The following OR3A2 variants were observed in gnomAD, a reference collection of about 807,000 sequenced individuals.
OR3A2 encodes olfactory receptor 3A2.
For synonymous variants in OR3A2, 126 were observed against 159.3 expected, an observed-to-expected ratio of 0.79 and a Z score of 1.57; for missense variants, 318 against 392.8, an observed-to-expected ratio of 0.81 and a Z score of 1.61.
At chr17:3,301,309 C>T (rs2048964086) in intron 3 of OR3A2, among the ~76,000 whole-genome samples, 1 of 152,178 alleles carries the variant, frequency 6.6e-6, no homozygotes, top group Admixed American at 6.5e-5. Context: ...GTCCCACCAA[C>T]AGTGTAAAAG....
intron 2 of OR3A2, among the ~76,000 whole-genome samples, chr17:3,360,051 T>C (rs1351561459): frequency 3.3e-5 from 5 of 151,840 alleles, no homozygotes; most frequent in Non-Finnish European, 7.3e-5. Context: ...TGTAAAAGTG[T>C]TCCTATTTCT....
chr17:3,340,934 T>C (rs1403063096), intron 2 of OR3A2, among the ~76,000 whole-genome samples: 2 of 151,778 alleles, frequency 1.3e-5, no homozygotes, highest in East Asian at 3.9e-4. Context: ...ACTTGCTTTA[T>C]GAATCTGGGT....
At chr17:3,308,180 G>A (rs1226350382) in intron 3 of OR3A2, among the ~76,000 whole-genome samples, 1 of 152,194 alleles carries the variant, frequency 6.6e-6, no homozygotes, top group African/African-American at 2.4e-5. Flanking sequence ...AAAGGCAGGT[G>A]TCTTTACCTG....
intron 3 of OR3A2, among the ~76,000 whole-genome samples, chr17:3,315,829 G>T (rs1237161157): frequency 6.7e-6 from 1 of 149,926 alleles, no homozygotes; most frequent in Non-Finnish European, 1.5e-5. Flanking sequence ...AGAGTGTCCC[G>T]TCATCCTCAC....
At chr17:3,317,950 G>A (rs1345526077) in intron 3 of OR3A2, among the ~76,000 whole-genome samples, 3 of 151,574 alleles carry the variant, frequency 2.0e-5, no homozygotes, top group Admixed American at 2.0e-4. Flanking sequence ...TCTCCACACT[G>A]GGAGACAGCA....
At chr17:3,331,181 C>A (rs1393985376) in intron 3 of OR3A2, among the ~76,000 whole-genome samples, 3 of 152,068 alleles carry the variant, frequency 2.0e-5, no homozygotes, top group Admixed American at 6.5e-5. Context: ...GTGAATCTGA[C>A]AATTATGTGT....
chr17:3,363,402 T>C (rs975990740), intron 2 of OR3A2, among the ~76,000 whole-genome samples: 10 of 151,794 alleles, frequency 6.6e-5, no homozygotes, highest in Admixed American at 6.6e-4. Flanking sequence ...TGCCAGTTTC[T>C]TCACTAAAGC....
chr17:3,375,907 G>C (rs767318125), intron 2 of OR3A2, among the ~76,000 whole-genome samples: 1 of 152,158 alleles, frequency 6.6e-6, no homozygotes, highest in Non-Finnish European at 1.5e-5. Context: ...CTGGGCTCTG[G>C]GCTGGTGCTG....
intron 2 of OR3A2, among the ~76,000 whole-genome samples, chr17:3,377,945 T>TATAACAAGGAGAAATGAAAAC (rs1263158162): frequency 6.6e-5 from 10 of 152,176 alleles, no homozygotes; most frequent in African/African-American, 2.4e-4. Context: ...TTCCTAGGTA[T>TATAACAAGGAGAAATGAAAAC]ATAACAAGGA....
rs80145557 is a variant in OR3A2, at chr17:3,357,930, C to T, written c.-178-21804G>A. The stretch of plus-strand genomic sequence containing the variant: ...ATAAAAGCATCAGAAACCTAATAGG[C>T]TAGTGAGGCCTTGCCTGGCAGAGAT... On this transcript the variant is annotated intron_variant, in intron 2 of 4. Transcript: ENST00000573491. 1.9e-3 allele frequency among the ~76,000 whole-genome samples: 281 copies of T among 151,670 alleles called. 12 individuals carry two copies. The highest frequency in any genetic ancestry group is 6.5e-3 in the African/African-American group (266 of 41,026).
chr17:3,321,843 T>A (rs2049125420), intron 3 of OR3A2, among the ~76,000 whole-genome samples: 1 of 152,102 alleles, frequency 6.6e-6, no homozygotes, highest in South Asian at 2.1e-4. Flanking sequence ...AAAATTATCT[T>A]TTGTGGTTGT....
chr17:3,338,815 T>C (rs575812788), intron 2 of OR3A2, among the ~76,000 whole-genome samples: 49 of 152,206 alleles, frequency 3.2e-4, no homozygotes, highest in Non-Finnish European at 6.3e-4. Context: ...AAGAAAGTCA[T>C]TGGTAGCTGA....
At chr17:3,370,219 T>G (rs138970618) in intron 2 of OR3A2, among the ~76,000 whole-genome samples, 1 of 152,352 alleles carries the variant, frequency 6.6e-6, no homozygotes, top group East Asian at 1.9e-4. Context: ...GTTCTTGGTC[T>G]GTTCAGTTTC....
intron 2 of OR3A2, among the ~76,000 whole-genome samples, chr17:3,359,878 CAT>C (rs2049495444): frequency 6.6e-6 from 1 of 151,760 alleles, no homozygotes. Flanking sequence ...CCGCAATAAA[CAT>C]ATGTGTGCAT....
rs978963863 is a variant in OR3A2 at position 3,358,261 on chromosome 17, G to C, written c.-178-22135C>G. Among the ~76,000 whole-genome samples, 5 of 151,798 alleles carry C rather than the reference G, an allele frequency of 3.3e-5. No homozygotes were observed. In the East Asian group the frequency reaches 9.6e-4, roughly 29 times the overall value. On this transcript the variant is annotated intron_variant, in intron 2 of 4. Transcript: ENST00000573491. ...TTAAGAAATAAATCATGGTTTTCTTGTGTCTTGATTTCCCCTCAGTTCAGT... is the reference window on the plus strand; with the variant it reads ...TTAAGAAATAAATCATGGTTTTCTTCTGTCTTGATTTCCCCTCAGTTCAGT...
chr17:3,343,318 G>A (rs1028370453), intron 2 of OR3A2, among the ~76,000 whole-genome samples: 2 of 152,168 alleles, frequency 1.3e-5, no homozygotes, highest in Non-Finnish European at 2.9e-5. Flanking sequence ...TGGAAAAGCA[G>A]AAATCACCCA....
At chr17:3,317,338 G>C (rs1030559598) in intron 3 of OR3A2, among the ~76,000 whole-genome samples, 5 of 152,226 alleles carry the variant, frequency 3.3e-5, no homozygotes, top group East Asian at 1.9e-4. Flanking sequence ...GGAGGGTAAA[G>C]ATATCAGGGA....
At chr17:3,384,485 A>G (rs768202062) in intron 1 of OR3A2, among the ~76,000 whole-genome samples, 1 of 152,006 alleles carries the variant, frequency 6.6e-6, no homozygotes, top group Non-Finnish European at 1.5e-5. Flanking sequence ...ACACAACATC[A>G]TGTCTGTTTG....
At chr17:3,314,932 G>A (rs1191542950) in intron 3 of OR3A2, among the ~76,000 whole-genome samples, 1 of 152,134 alleles carries the variant, frequency 6.6e-6, no homozygotes. Flanking sequence ...TGATTAGAAC[G>A]TGGTATTTTA....
Sources: gnomAD v4.1 joint callset for allele counts (sites outside exome capture counted in the v4.1 genomes callset) on GRCh38, gnomAD v4.1.1 for gene constraint, MANE v1.5 for transcripts, NCBI Gene and HGNC (gene_info 2026-07-23, HGNC 2026-07-21) for gene names.